PLA2G7: variants seen among roughly 807,000 people sequenced by gnomAD.
PLA2G7 encodes the protein platelet-activating factor acetylhydrolase.
Under a neutral mutation model 49.6 loss-of-function variants are expected in PLA2G7, and 63 were observed. The ratio of observed to expected loss-of-function variants is 1.27; its 90% CI spans 1.04 to 1.57. The LOEUF (loss-of-function observed/expected upper bound fraction) is 1.57, where lower values mean the gene tolerates loss of function less well. Among genes scored for constraint, PLA2G7 ranks in the 40% most tolerant of loss-of-function variants. PLA2G7 has a pLI of 0.00. For synonymous variants in PLA2G7, 193 were observed against 169.9 expected, an observed-to-expected ratio of 1.14 and a Z score of -1.06; for missense variants, 596 against 521.2, an observed-to-expected ratio of 1.14 and a Z score of -1.40.
chr6:46,724,842 G>A (rs1204450466), intron 1 of PLA2G7, among the ~76,000 whole-genome samples: 2 of 152,192 alleles, frequency 1.3e-5, no homozygotes, highest in Non-Finnish European at 2.9e-5. Context: ...AGGTGAAGCT[G>A]TTATTGCCTT....
Position 46,708,148 on chromosome 6 carries a change from G to T in PLA2G7, c.883C>A (p.Leu295Met), listed in dbSNP as rs761186841. ...CCCAGTGGAAACATCCATGCATCCA[G>T]GGCAATACCACATCTGTAGATATTT... The part of the protein sequence containing the change: ...EDQRFRCGIA[L>M]DAWMFPLGDE... The change falls in exon 10 of 12, where the codon CTG (leucine) becomes ATG (methionine). Residue 295 changes from leucine to methionine, a missense_variant. Physicochemically the swap from Leu to Met is conservative, Grantham distance 15. Transcript: ENST00000274793. 1.2e-6 allele frequency: 2 copies of T among 1,611,026 alleles called. No individual in the cohort carries two copies. Among genetic ancestry groups the T allele is most frequent in the Non-Finnish European group, 8.5e-7 (1 of 1,177,480 alleles).
At chr6:46,734,367 A>G (rs995222349) in intron 1 of PLA2G7, among the ~76,000 whole-genome samples, 11 of 146,076 alleles carry the variant, frequency 7.5e-5, no homozygotes, top group African/African-American at 2.5e-4. Context: ...GCGGAGGGAG[A>G]GAGAGAGAGG....
chr6:46,725,528 C>A (rs1765544309), intron 1 of PLA2G7, among the ~76,000 whole-genome samples: 1 of 152,014 alleles, frequency 6.6e-6, no homozygotes, highest in Admixed American at 6.6e-5. Flanking sequence ...CCGTGTCCAG[C>A]CAAAACTTCT....
At chr6:46,726,571 T>C (rs781553225) in intron 1 of PLA2G7, among the ~76,000 whole-genome samples, 5 of 152,234 alleles carry the variant, frequency 3.3e-5, no homozygotes, top group Admixed American at 1.3e-4. Flanking sequence ...CTAAAACCCT[T>C]GATACAGCCG....
chr6:46,729,354 A>G lies in PLA2G7; in HGVS notation c.-35+5826T>C, dbSNP rs544145496. Among the ~76,000 whole-genome samples, 16 of 152,348 alleles carry G rather than the reference A, an allele frequency of 1.1e-4. No individual in the cohort carries two copies. In the South Asian group the frequency reaches 3.3e-3, roughly 32 times the overall value. On this transcript the variant is annotated intron_variant, in intron 1 of 11. Coordinates refer to ENST00000274793, the MANE Select transcript of PLA2G7 (RefSeq NM_005084.4). ...TTAGCTCCCTAAAACATCCAAATGC[A>G]CTAGTGCCCATCCCATAGGCAAGAT...
intron 1 of PLA2G7, among the ~76,000 whole-genome samples, chr6:46,728,770 T>G (rs12528807): frequency 0.058 from 8,841 of 152,294 alleles, 370 homozygotes; most frequent in Middle Eastern, 0.16. Context: ...TAACTGGATC[T>G]GTTGAGTGTT....
At chr6:46,734,994 T>A (rs941389899) in intron 1 of PLA2G7, among the ~76,000 whole-genome samples, 186 bp downstream of exon 1, 5 of 152,066 alleles carry the variant, frequency 3.3e-5, no homozygotes, top group African/African-American at 1.2e-4. Context: ...ATCCTCTCCC[T>A]CTCCCCGCAA....
rs780431882 is a variant in PLA2G7 at position 46,705,142 on chromosome 6, T to C, written c.1189+11A>G. 1.3e-6 allele frequency: 2 copies of C among 1,595,954 alleles called. No homozygotes were observed. Among genetic ancestry groups the C allele is most frequent in the South Asian group, 1.1e-5 (1 of 90,674 alleles). On this transcript the variant is annotated intron_variant, in intron 11 of 11. Coordinates refer to ENST00000274793, the MANE Select transcript of PLA2G7 (RefSeq NM_005084.4). Reference sequence around the variant, plus strand: ...CATCTGGTTTAGGTCATGAAAAAAATAGTTTCTTACCTAAATGCTTTTGTA... The same window carrying C: ...CATCTGGTTTAGGTCATGAAAAAAACAGTTTCTTACCTAAATGCTTTTGTA...
chr6:46,705,140 A>T lies in PLA2G7; in HGVS notation c.1189+13T>A, dbSNP rs1444053403. On this transcript the variant is annotated intron_variant, in intron 11 of 11. Coordinates refer to ENST00000274793, the MANE Select transcript of PLA2G7 (RefSeq NM_005084.4). ...TTCATCTGGTTTAGGTCATGAAAAA[A>T]ATAGTTTCTTACCTAAATGCTTTTG... The T allele has an allele frequency of 6.9e-6, 11 of 1,593,426 alleles. No individual in the cohort carries two copies. Among genetic ancestry groups the T allele is most frequent in the African/African-American group, 2.7e-5 (2 of 74,484 alleles).
At chr6:46,733,842 A>C (rs1765808707) in intron 1 of PLA2G7, among the ~76,000 whole-genome samples, 1 of 152,178 alleles carries the variant, frequency 6.6e-6, no homozygotes, top group Admixed American at 6.5e-5. Context: ...CCAACACCTC[A>C]GGGGATACAT....
chr6:46,727,538 C>A (rs980541892), intron 1 of PLA2G7, among the ~76,000 whole-genome samples: 1 of 152,116 alleles, frequency 6.6e-6, no homozygotes, highest in African/African-American at 2.4e-5. Flanking sequence ...GCACTCCCAC[C>A]CAAATGTCCA....
chr6:46,714,659 A>G lies in PLA2G7; in HGVS notation c.377-106T>C, dbSNP rs145025523. On this transcript the variant is annotated intron_variant, in intron 4 of 11. Coordinates refer to ENST00000274793, the MANE Select transcript of PLA2G7 (RefSeq NM_005084.4). ...ATGCAGACCCATCTGATTTATATCT[A>G]CTTTTTTATGGATGAATAGTAGATT... 1.5e-5 allele frequency: 11 copies of G among 754,502 alleles called. No homozygotes were observed. The African/African-American group carries it at 1.8e-4, about 12-fold the overall frequency. 46.7% of individuals were successfully genotyped at this position (754,502 alleles called of 1,614,324 possible).
In PLA2G7 at chr6:46,722,767, C is replaced by T; in HGVS notation, c.109+16G>A. 1.3e-6 allele frequency: 2 copies of T among 1,504,132 alleles called. No individual in the cohort carries two copies. Among genetic ancestry groups the T allele is most frequent in the South Asian group, 1.1e-5 (1 of 88,814 alleles). The allele number at this position is 1,504,132 out of a possible 1,614,324, so 93.2% of individuals were successfully genotyped here. On this transcript the variant is annotated intron_variant, in intron 2 of 11. Transcript: ENST00000274793. ...CAGATCAGTTGCTCAAGACCTTGAA[C>T]AAATACACCTCTTACCTGATGATTT...
At position 46,704,713 on chromosome 6, in the gene PLA2G7, GTTAA is replaced by G. The variant is rs2150688999; in HGVS notation, c.1190-21_1190-18del. Reference sequence around the variant, plus strand: ...TATGAAGTCCTATAAAATATAAAGTGTTAATCAACATATTAAACTTTTGAGAGCA... The same window carrying G: ...TATGAAGTCCTATAAAATATAAAGTGTCAACATATTAAACTTTTGAGAGCA... On this transcript the variant is annotated intron_variant, in intron 11 of 11. Transcript: ENST00000274793. 1 of 1,483,894 alleles carries G rather than the reference GTTAA, an allele frequency of 6.7e-7. No homozygotes were observed. The highest frequency in any genetic ancestry group is 9.4e-7 in the Non-Finnish European group (1 of 1,066,510). The allele number at this position is 1,483,894 out of a possible 1,614,324, so 91.9% of individuals were successfully genotyped here.
intron 4 of PLA2G7, among the ~76,000 whole-genome samples, chr6:46,715,252 G>T (rs902305173): frequency 3.3e-5 from 5 of 152,172 alleles, no homozygotes; most frequent in African/African-American, 1.2e-4. Context: ...CTAAGAAACA[G>T]AGACTCTGTT....
chr6:46,705,060 G>A (rs1764762959), intron 11 of PLA2G7, 93 bp downstream of exon 11: 2 of 964,000 alleles, frequency 2.1e-6, no homozygotes, highest in African/African-American at 1.6e-5. Flanking sequence ...AAACCAACTG[G>A]AAATAGTTTA....
intron 2 of PLA2G7, among the ~76,000 whole-genome samples, chr6:46,721,135 G>A (rs2150705948): frequency 6.6e-6 from 1 of 152,182 alleles, no homozygotes; most frequent in East Asian, 1.9e-4. Flanking sequence ...CCTTCTTCTG[G>A]GTTCAAGCAA....
chr6:46,711,217 G>C (rs1213976634), intron 7 of PLA2G7, among the ~76,000 whole-genome samples: 2 of 152,076 alleles, frequency 1.3e-5, no homozygotes, highest in East Asian at 3.8e-4. Context: ...TTATTTTCTA[G>C]CACTTTTTAG....
intron 5 of PLA2G7, among the ~76,000 whole-genome samples, chr6:46,712,801 G>C (rs563996875): frequency 6.6e-6 from 1 of 152,268 alleles, no homozygotes; most frequent in Admixed American, 6.5e-5. Context: ...GGGCCTAAGA[G>C]TAAAGCATTT....
Sources: allele counts gnomAD v4.1 joint callset (sites outside exome capture counted in the v4.1 genomes callset), GRCh38; gene constraint gnomAD v4.1.1; transcripts MANE v1.5; gene names NCBI Gene and HGNC (gene_info 2026-07-23, HGNC 2026-07-21).